Variants in RABGAP1 observed in about 807,000 individuals in gnomAD.
RABGAP1 encodes RAB GTPase activating protein 1, also known as rab GTPase-activating protein 1.
RABGAP1 carries 23 observed loss-of-function variants against 137.6 expected under a neutral mutation model. That is an observed-to-expected ratio of 0.17 (90% CI 0.12 to 0.24). The LOEUF (loss-of-function observed/expected upper bound fraction) is 0.24, where lower values mean the gene tolerates loss of function less well. Ranked by LOEUF, RABGAP1 falls within the 10% of genes least tolerant of loss-of-function variation. RABGAP1 has a pLI of 1.00. For missense variants in RABGAP1, 906 were observed against 1,275.8 expected, an observed-to-expected ratio of 0.71 and a Z score of 4.42; for synonymous variants, 451 against 450.7, an observed-to-expected ratio of 1.00 and a Z score of -0.01.
At chr9:123,023,482 C>T (rs1482667346) in intron 13 of RABGAP1, among the ~76,000 whole-genome samples, 1 of 152,152 alleles carries the variant, frequency 6.6e-6, no homozygotes, top group Non-Finnish European at 1.5e-5. Flanking sequence ...CACACCCATC[C>T]TTGAATTTAA....
chr9:122,972,501 A>G (rs1835521755), intron 2 of RABGAP1, among the ~76,000 whole-genome samples: 1 of 152,090 alleles, frequency 6.6e-6, no homozygotes, highest in Admixed American at 6.6e-5. Context: ...TTAGGACAGG[A>G]GTAGCAGCTG....
At chr9:123,003,494 G>A (rs2029918089) in intron 10 of RABGAP1, among the ~76,000 whole-genome samples, 1 of 152,120 alleles carries the variant, frequency 6.6e-6, no homozygotes, top group South Asian at 2.1e-4. Flanking sequence ...GACTGAAAAG[G>A]AAACAATGCT....
chr9:123,080,742 C>G (rs1165666762), intron 19 of RABGAP1, among the ~76,000 whole-genome samples: 1 of 152,064 alleles, frequency 6.6e-6, no homozygotes, highest in Non-Finnish European at 1.5e-5. Flanking sequence ...TGTTTGGAAA[C>G]AAGCTTTTGA....
At chr9:123,010,654 G>A in intron 11 of RABGAP1, 126 bp downstream of exon 11, 1 of 902,858 alleles carries the variant, frequency 1.1e-6, no homozygotes, top group African/African-American at 1.7e-5. Flanking sequence ...CCTTATGAGA[G>A]TTTACTATAT....
intron 13 of RABGAP1, among the ~76,000 whole-genome samples, chr9:123,037,103 G>C (rs1414689755): frequency 6.6e-6 from 1 of 152,128 alleles, no homozygotes; most frequent in East Asian, 1.9e-4. Context: ...TAATCTGAAT[G>C]CGACAGTGGT....
intron 2 of RABGAP1, among the ~76,000 whole-genome samples, chr9:122,959,102 G>C (rs1044038223): frequency 1.3e-5 from 2 of 152,180 alleles, no homozygotes; most frequent in Middle Eastern, 3.4e-3. Flanking sequence ...AAGAGTGAAT[G>C]ACAGGTGCTT....
chr9:123,057,180 G>T (rs2033749421), intron 13 of RABGAP1, among the ~76,000 whole-genome samples: 1 of 152,060 alleles, frequency 6.6e-6, no homozygotes, highest in African/African-American at 2.4e-5. Context: ...CCCGGACAGG[G>T]TGGCTGCCGG....
At chr9:122,970,891 T>C (rs1835432768) in intron 2 of RABGAP1, among the ~76,000 whole-genome samples, 1 of 152,210 alleles carries the variant, frequency 6.6e-6, no homozygotes, top group Non-Finnish European at 1.5e-5. Flanking sequence ...AGCTTTTTAA[T>C]TGCCTAGCTG....
intron 1 of RABGAP1, among the ~76,000 whole-genome samples, chr9:122,953,763 G>T (rs1834373793): frequency 6.6e-6 from 1 of 152,154 alleles, no homozygotes; most frequent in African/African-American, 2.4e-5. Context: ...TCACAAATAT[G>T]ACCTCTGTTC....
intron 13 of RABGAP1, among the ~76,000 whole-genome samples, chr9:123,043,213 A>G (rs2033037067): frequency 6.6e-6 from 1 of 152,224 alleles, no homozygotes; most frequent in African/African-American, 2.4e-5. Context: ...ATAAAGAGAT[A>G]CAGAATCCAG....
chr9:122,944,965 T>G (rs1833858790), intron 1 of RABGAP1, among the ~76,000 whole-genome samples: 1 of 151,900 alleles, frequency 6.6e-6, no homozygotes, highest in Non-Finnish European at 1.5e-5. Context: ...CTCAAATATT[T>G]AAGAAGTGCT....
At chr9:123,014,149 G>A (rs623038) in intron 11 of RABGAP1, among the ~76,000 whole-genome samples, 94,731 of 152,162 alleles carry the variant, frequency 0.62, 36,748 homozygotes, top group Non-Finnish European at 0.86. Flanking sequence ...CTCTCTGAGT[G>A]TCAAGCAAGA....
chr9:123,079,129 T>G (rs1265879137), intron 19 of RABGAP1, among the ~76,000 whole-genome samples: 1 of 152,228 alleles, frequency 6.6e-6, no homozygotes, highest in Non-Finnish European at 1.5e-5. Flanking sequence ...CTGCTTGAAT[T>G]TGCCTCACTG....
At chr9:123,057,178 G>C (rs1450524888) in intron 13 of RABGAP1, among the ~76,000 whole-genome samples, 1 of 151,644 alleles carries the variant, frequency 6.6e-6, no homozygotes, top group African/African-American at 2.4e-5. Flanking sequence ...CTCCCGGACA[G>C]GGTGGCTGCC....
chr9:123,020,810 G>C, intron 13 of RABGAP1: 1 of 559,478 alleles, frequency 1.8e-6, no homozygotes, highest in Admixed American at 6.4e-5. Flanking sequence ...ATGTGCTCTT[G>C]GTAGGAAAGG....
intron 13 of RABGAP1, among the ~76,000 whole-genome samples, chr9:123,024,113 T>G (rs1333984702): frequency 1.3e-5 from 2 of 152,242 alleles, no homozygotes; most frequent in Non-Finnish European, 2.9e-5. Context: ...ATAGTATGCT[T>G]TTAAAGGTGT....
At chr9:123,077,963 G>A (rs1308438916) in intron 19 of RABGAP1, among the ~76,000 whole-genome samples, 2 of 152,104 alleles carry the variant, frequency 1.3e-5, no homozygotes, top group Non-Finnish European at 2.9e-5. Context: ...ACTTGAAATA[G>A]AAATGCACAG....
intron 13 of RABGAP1, among the ~76,000 whole-genome samples, chr9:123,036,973 G>A (rs2032697678): frequency 6.6e-6 from 1 of 152,154 alleles, no homozygotes; most frequent in African/African-American, 2.4e-5. Context: ...TTTCTAAAAG[G>A]AGAGAAGGAA....
intron 2 of RABGAP1, among the ~76,000 whole-genome samples, chr9:122,959,274 G>A (rs1468078377): frequency 7.3e-6 from 1 of 137,696 alleles, no homozygotes; most frequent in Non-Finnish European, 1.5e-5. Context: ...AGTGAACAAA[G>A]TAAAAAGCAG....
Sources: allele counts gnomAD v4.1 joint callset (sites outside exome capture counted in the v4.1 genomes callset), GRCh38; gene constraint gnomAD v4.1.1; transcripts MANE v1.5; gene names NCBI Gene and HGNC (gene_info 2026-07-23, HGNC 2026-07-21).